Variants in PEX5L observed in about 807,000 individuals in gnomAD.
PEX5L encodes the protein peroxisomal biogenesis factor 5 like.
In PEX5L, 30 loss-of-function variants were observed where a neutral mutation model predicts 84.0. That is an observed-to-expected ratio of 0.36 (90% CI 0.27 to 0.48). The LOEUF is 0.48. PEX5L is among the 20% of genes least tolerant of loss of function. The pLI, the probability that PEX5L is intolerant of heterozygous loss-of-function variation, is 0.99. For synonymous variants in PEX5L, 270 were observed against 283.1 expected, an observed-to-expected ratio of 0.95 and a Z score of 0.46; for missense variants, 533 against 754.6, an observed-to-expected ratio of 0.71 and a Z score of 3.44.
intron 8 of PEX5L, among the ~76,000 whole-genome samples, chr3:179,828,225 G>T (rs542208509): frequency 6.6e-6 from 1 of 152,200 alleles, no homozygotes; most frequent in African/African-American, 2.4e-5. Context: ...CTATGCTGAG[G>T]TCTTCCTCCC....
chr3:179,814,250 A>G (rs1725175950), intron 10 of PEX5L, among the ~76,000 whole-genome samples: 1 of 152,226 alleles, frequency 6.6e-6, no homozygotes, highest in East Asian at 1.9e-4. Context: ...CTTCCTACAT[A>G]AAGTACAACC....
intron 2 of PEX5L, among the ~76,000 whole-genome samples, chr3:179,914,815 T>C (rs1472912671): frequency 6.6e-6 from 1 of 152,238 alleles, no homozygotes; most frequent in Non-Finnish European, 1.5e-5. Context: ...AAGGTTGTTA[T>C]GAATTTATGG....
intron 5 of PEX5L, among the ~76,000 whole-genome samples, chr3:179,876,453 C>A (rs182408073): frequency 6.6e-6 from 1 of 151,108 alleles, no homozygotes; most frequent in African/African-American, 2.4e-5. Context: ...GCCCAGATTG[C>A]GCCTCTGCAC....
intron 10 of PEX5L, 91 bp from the exon 11 acceptor site, chr3:179,811,962 T>A: frequency 1.0e-6 from 1 of 966,546 alleles, no homozygotes. Flanking sequence ...GGATCCCCTA[T>A]GCAGAGCAAG....
At chr3:179,926,828 C>T (rs917600772) in intron 2 of PEX5L, among the ~76,000 whole-genome samples, 2 of 152,074 alleles carry the variant, frequency 1.3e-5, no homozygotes, top group South Asian at 2.1e-4. Flanking sequence ...ACCGTGTAAA[C>T]TTTCTGGGTA....
At chr3:179,809,431 T>C (rs759059870) in intron 12 of PEX5L, 40 bp downstream of exon 12, 1 of 1,447,554 alleles carries the variant, frequency 6.9e-7, no homozygotes. Flanking sequence ...ATTGTATATA[T>C]GGGTGTTTAC....
chr3:179,910,527 T>TA (rs1427694611), intron 2 of PEX5L, among the ~76,000 whole-genome samples: 2 of 152,184 alleles, frequency 1.3e-5, no homozygotes, highest in Admixed American at 6.5e-5. Context: ...GAAAACAAAT[T>TA]AAAAAAAGAA....
At chr3:179,905,654 T>A (rs984309509) in intron 2 of PEX5L, among the ~76,000 whole-genome samples, 3 of 103,228 alleles carry the variant, frequency 2.9e-5, no homozygotes, top group African/African-American at 7.5e-5. Flanking sequence ...GTTCTTGCCA[T>A]TTTTTTTTTT....
intron 9 of PEX5L, among the ~76,000 whole-genome samples, chr3:179,817,718 G>A (rs1726695478): frequency 6.6e-6 from 1 of 152,178 alleles, no homozygotes; most frequent in Non-Finnish European, 1.5e-5. Context: ...GTGTGTTGAT[G>A]ATGTTACTAA....
intron 3 of PEX5L, among the ~76,000 whole-genome samples, chr3:179,890,527 T>G (rs1169833672): frequency 6.6e-6 from 1 of 152,248 alleles, no homozygotes; most frequent in Non-Finnish European, 1.5e-5. Flanking sequence ...AAAAGTTTAA[T>G]TTCATTGACA....
chr3:179,946,947 A>C (rs898134239), intron 2 of PEX5L, among the ~76,000 whole-genome samples: 6 of 152,214 alleles, frequency 3.9e-5, no homozygotes, highest in Non-Finnish European at 2.9e-5. Context: ...TATTTGATGT[A>C]TATTATTAAC....
At chr3:179,877,339 C>T (rs1442271368) in intron 5 of PEX5L, among the ~76,000 whole-genome samples, 3 of 152,200 alleles carry the variant, frequency 2.0e-5, no homozygotes, top group Non-Finnish European at 4.4e-5. Context: ...AATAACACTG[C>T]TATTCTTAAA....
At chr3:179,973,611 A>G in intron 1 of PEX5L, 1 of 985,144 alleles carries the variant, frequency 1.0e-6, no homozygotes, top group Non-Finnish European at 1.2e-6. Context: ...CCCCTTTTTA[A>G]TCTCCTATTC....
chr3:179,954,114 C>A (rs1343473352), intron 2 of PEX5L, among the ~76,000 whole-genome samples: 1 of 150,720 alleles, frequency 6.6e-6, no homozygotes, highest in African/African-American at 2.5e-5. Flanking sequence ...TCTTAAGGTC[C>A]AGAGATTTCT....
intron 2 of PEX5L, among the ~76,000 whole-genome samples, chr3:179,945,523 A>G (rs1777273532): frequency 6.6e-6 from 1 of 152,226 alleles, no homozygotes; most frequent in African/African-American, 2.4e-5. Flanking sequence ...AGACATAGTT[A>G]AAGACTTGTT....
intron 2 of PEX5L, among the ~76,000 whole-genome samples, chr3:179,942,510 G>A (rs898186359): frequency 6.6e-6 from 1 of 152,208 alleles, no homozygotes; most frequent in African/African-American, 2.4e-5. Context: ...CAGTGGCACC[G>A]GTAGGCACTC....
At chr3:179,887,919 T>C in intron 3 of PEX5L, 135 bp from the exon 4 acceptor site, 2 of 688,564 alleles carry the variant, frequency 2.9e-6, no homozygotes, top group Non-Finnish European at 2.5e-6. Flanking sequence ...AATAATGGGG[T>C]GGGGGCAAGA....
intron 8 of PEX5L, among the ~76,000 whole-genome samples, chr3:179,838,129 A>G (rs948457424): frequency 1.3e-5 from 2 of 152,194 alleles, no homozygotes; most frequent in Non-Finnish European, 2.9e-5. Flanking sequence ...TAATCTTAAA[A>G]TGTTTTTGAA....
chr3:180,026,102 T>C (rs1421102555), intron 1 of PEX5L, among the ~76,000 whole-genome samples: 4 of 151,620 alleles, frequency 2.6e-5, no homozygotes, highest in Admixed American at 1.3e-4. Flanking sequence ...AAGCGACGTA[T>C]GATGAATGTC....
Sources: allele counts gnomAD v4.1 joint callset (sites outside exome capture counted in the v4.1 genomes callset), GRCh38; gene constraint gnomAD v4.1.1; transcripts MANE v1.5; gene names NCBI Gene and HGNC (gene_info 2026-07-23, HGNC 2026-07-21).